PDHX: variants seen among roughly 807,000 people sequenced by gnomAD.
PDHX encodes the protein pyruvate dehydrogenase complex component X, also known as pyruvate dehydrogenase protein X component, mitochondrial.
A neutral mutation model predicts 55.3 loss-of-function variants in PDHX; 33 were observed. The ratio of observed to expected loss-of-function variants is 0.60; its 90% CI spans 0.45 to 0.80. The LOEUF is 0.80. PDHX is among the 30% of genes least tolerant of loss of function. PDHX has a pLI of 0.00. For synonymous variants in PDHX, 226 were observed against 219.4 expected (o/e 1.03, Z -0.27); for missense variants, 622 against 619.9 (o/e 1.00, Z -0.04).
chr11:34,989,676 AG>A (rs1367716636), intron 9 of PDHX, among the ~76,000 whole-genome samples: 1 of 152,114 alleles, frequency 6.6e-6, no homozygotes, highest in Non-Finnish European at 1.5e-5. Flanking sequence ...TTGGTTTCTC[AG>A]TTCAGTTGCT....
At chr11:34,920,773 G>A (rs1004617850) in intron 1 of PDHX, among the ~76,000 whole-genome samples, 8 of 151,864 alleles carry the variant, frequency 5.3e-5, no homozygotes, top group South Asian at 4.2e-4. Flanking sequence ...TTATCTCTAC[G>A]GAAGGCAGAA....
chr11:34,988,506 A>G (rs1490552305), intron 9 of PDHX, among the ~76,000 whole-genome samples: 1 of 150,660 alleles, frequency 6.6e-6, no homozygotes. Context: ...TAACTACTGT[A>G]TGACTATAGA....
intron 8 of PDHX, among the ~76,000 whole-genome samples, chr11:34,978,684 A>G (rs914811027): frequency 3.9e-5 from 6 of 152,086 alleles, no homozygotes; most frequent in African/African-American, 1.4e-4. Flanking sequence ...GGGACCAGCA[A>G]ACACCAAGGC....
At chr11:34,961,750 G>A (rs1855025073) in intron 5 of PDHX, among the ~76,000 whole-genome samples, 1 of 152,166 alleles carries the variant, frequency 6.6e-6, no homozygotes, top group Non-Finnish European at 1.5e-5. Context: ...AATGTATGTG[G>A]TTCTATCACA....
In PDHX at chr11:34,960,477, C is replaced by T. The variant is rs1487810152; in HGVS notation, c.600C>T (p.Ser200=). 6.2e-7 allele frequency: 1 copy of T among 1,613,146 alleles called. No individual in the cohort carries two copies. Among genetic ancestry groups the T allele is most frequent in the Non-Finnish European group, 8.5e-7 (1 of 1,179,342 alleles). ...TGGAAAAACACTCACTGGATGCTAG[C>T]CAGGGCACAGCCACTGGCCCTCGGG... ...NILEKHSLDA[S]QGTATGPRGI... is the part of the protein sequence containing the mutation. Residue 200 remains serine (S), a synonymous_variant, in exon 5 of 11, where the codon AGC becomes AGT. Coordinates refer to ENST00000227868, the MANE Select transcript of PDHX (RefSeq NM_003477.3).
chr11:34,935,038 G>A (rs1393675251), intron 2 of PDHX, among the ~76,000 whole-genome samples: 1 of 152,080 alleles, frequency 6.6e-6, no homozygotes, highest in Non-Finnish European at 1.5e-5. Context: ...GAGGTTGAGA[G>A]GGTAGGGAGG....
At chr11:34,959,308 A>G (rs970126232) in intron 4 of PDHX, among the ~76,000 whole-genome samples, 1 of 152,178 alleles carries the variant, frequency 6.6e-6, no homozygotes, top group Non-Finnish European at 1.5e-5. Flanking sequence ...CAGCAGGCAC[A>G]TGAAAAATAT....
chr11:34,917,780 G>C (rs370448525), intron 1 of PDHX, among the ~76,000 whole-genome samples: 2 of 152,132 alleles, frequency 1.3e-5, no homozygotes, highest in South Asian at 2.1e-4. Context: ...CATTTTTGGT[G>C]TAATGTTTCA....
chr11:34,980,348 G>GTTTTTTTTTTTTTTTTTTTTTT (rs1319243948), intron 8 of PDHX, among the ~76,000 whole-genome samples: 6 of 30,476 alleles, frequency 2.0e-4, no homozygotes, highest in Admixed American at 5.3e-4. Flanking sequence ...GTTTAAGATA[G>GTTTTTTTTTTTTTTTTTTTTTT]TTTCTTTTTT....
intron 7 of PDHX, among the ~76,000 whole-genome samples, chr11:34,971,339 G>A (rs1160729900): frequency 6.6e-6 from 1 of 151,890 alleles, no homozygotes; most frequent in African/African-American, 2.4e-5. Flanking sequence ...ACCTCTGTCT[G>A]GTATAATGAA....
chr11:34,916,873 G>A, intron 1 of PDHX, 58 bp downstream of exon 1: 1 of 1,483,328 alleles, frequency 6.7e-7, no homozygotes, highest in South Asian at 1.2e-5. Context: ...GCCTGGGACA[G>A]GGGCAGTTAT....
rs546561748 is a variant in PDHX at position 34,983,569 on chromosome 11, A to T, written c.1024-1001A>T. Among the ~76,000 whole-genome samples the T allele has an allele frequency of 2.6e-4, 39 of 152,006 alleles. 1 individual carries two copies. Among genetic ancestry groups the T allele is most frequent in the African/African-American group, 8.7e-4 (36 of 41,212 alleles). On this transcript the variant is annotated intron_variant, in intron 8 of 10. Transcript: ENST00000227868. ...TCTCCTTAAGCTGATAGGCAACTTCAGCAAAGTCTCAGAATACACAATCAA... is the reference window on the plus strand; with the variant it reads ...TCTCCTTAAGCTGATAGGCAACTTCTGCAAAGTCTCAGAATACACAATCAA...
intron 3 of PDHX, among the ~76,000 whole-genome samples, chr11:34,950,474 A>C (rs968177342): frequency 5.3e-5 from 8 of 150,490 alleles, no homozygotes; most frequent in Non-Finnish European, 1.0e-4. Flanking sequence ...TGCTGCACCC[A>C]TTAACTCGTC....
At chr11:34,920,295 CATGTT>C (rs1035367398) in intron 1 of PDHX, among the ~76,000 whole-genome samples, 38 of 152,162 alleles carry the variant, frequency 2.5e-4, no homozygotes, top group African/African-American at 8.4e-4. Flanking sequence ...TGAAGAATAA[CATGTT>C]GAATTTAAAA....
At chr11:34,931,677 G>T (rs941612799) in intron 2 of PDHX, among the ~76,000 whole-genome samples, 193 bp downstream of exon 2, 2 of 152,026 alleles carry the variant, frequency 1.3e-5, no homozygotes, top group Admixed American at 6.6e-5. Context: ...TCTGGGTTCA[G>T]CATATATCCT....
intron 1 of PDHX, among the ~76,000 whole-genome samples, chr11:34,931,130 A>G (rs1212316379): frequency 6.6e-6 from 1 of 152,042 alleles, no homozygotes; most frequent in Non-Finnish European, 1.5e-5. Flanking sequence ...TTTTTGACTT[A>G]TAAGCACCTG....
chr11:34,946,192 C>T (rs1283419071), intron 2 of PDHX, among the ~76,000 whole-genome samples: 1 of 152,146 alleles, frequency 6.6e-6, no homozygotes, highest in Non-Finnish European at 1.5e-5. Context: ...TATTCCCTGT[C>T]TAGAATATAT....
chr11:34,919,972 T>C (rs1853833254), intron 1 of PDHX, among the ~76,000 whole-genome samples: 1 of 152,154 alleles, frequency 6.6e-6, no homozygotes, highest in Admixed American at 6.6e-5. Context: ...ACATAAACAA[T>C]AAAGGTATGA....
intron 3 of PDHX, among the ~76,000 whole-genome samples, chr11:34,956,396 C>G (rs1043113733): frequency 6.6e-6 from 1 of 152,038 alleles, no homozygotes; most frequent in Non-Finnish European, 1.5e-5. Flanking sequence ...TTTTCCTTAC[C>G]ATTACTGTAT....
Sources: gnomAD v4.1 joint callset for allele counts (sites outside exome capture counted in the v4.1 genomes callset) on GRCh38, gnomAD v4.1.1 for gene constraint, MANE v1.5 for transcripts, NCBI Gene and HGNC (gene_info 2026-07-23, HGNC 2026-07-21) for gene names.